GIT2: variants seen among roughly 807,000 people sequenced by gnomAD.
GIT2 encodes ARF GTPase-activating protein GIT2.
Under a neutral mutation model 100.3 loss-of-function variants are expected in GIT2, and 32 were observed. That is an observed-to-expected ratio of 0.32 (90% confidence interval 0.24 to 0.43). The LOEUF (loss-of-function observed/expected upper bound fraction) is 0.43. GIT2 is among the 20% of genes least tolerant of loss of function. The pLI is 1.00. For synonymous variants in GIT2, 353 were observed against 364.1 expected (o/e 0.97, Z 0.35); for missense variants, 737 against 975.1 (o/e 0.76, Z 3.25).
At chr12:109,996,463 A>G (rs1479021263), upstream of GIT2, 2 of 504,938 alleles carry the variant, frequency 4.0e-6, no homozygotes. Flanking sequence ...TGAGGGCAGG[A>G]GACTGCCCGA....
Position 109,945,324 on chromosome 12 carries a change from G to A in GIT2, c.1667C>T (p.Ser556Phe), listed in dbSNP as rs756703594. The change falls in exon 16 of 20, where the codon TCC (serine) becomes TTC (phenylalanine). Residue 556 changes from serine to phenylalanine, a missense_variant. By Grantham distance (155) the Ser-to-Phe change is radical. Coordinates refer to ENST00000355312, the MANE Select transcript of GIT2 (RefSeq NM_057169.5). ...GGGGAAGGAAGGCAGAGATGAAGAG[G>A]AGGTCACAAGTGCACTCCTCCCGAT... ...AHIGRSALVT[S>F]SSSLPSFPST... 6 of 1,573,798 alleles carry A rather than the reference G, an allele frequency of 3.8e-6. No homozygotes were observed. Among genetic ancestry groups the A allele is most frequent in the South Asian group, 2.2e-5 (2 of 90,104 alleles).
At chr12:109,943,920 T>C (rs915115261) in intron 16 of GIT2, among the ~76,000 whole-genome samples, 2 of 152,172 alleles carry the variant, frequency 1.3e-5, no homozygotes, top group African/African-American at 4.8e-5. Context: ...CTTGAACTCC[T>C]GGGCTCAAGC....
chr12:109,960,009 A>G (rs776125900), intron 11 of GIT2, 51 bp from the exon 12 acceptor site: 5 of 1,183,866 alleles, frequency 4.2e-6, no homozygotes, highest in Non-Finnish European at 6.3e-6. Context: ...AAATATATAC[A>G]TAAATAGTCA....
At chr12:109,981,270 A>G in intron 6 of GIT2, 1 of 436,948 alleles carries the variant, frequency 2.3e-6, no homozygotes, top group South Asian at 3.6e-5. Context: ...TAAGGCCAAA[A>G]TAGAATATTT....
At position 109,961,683 on chromosome 12, in the gene GIT2, T is replaced by C. The variant is rs748825767; in HGVS notation, c.819A>G (p.Leu273=). 3 of 1,567,760 alleles carry C rather than the reference T, an allele frequency of 1.9e-6. No homozygotes were observed. Among genetic ancestry groups the C allele is most frequent in the Non-Finnish European group, 2.6e-6 (3 of 1,138,146 alleles). Residue 273 remains leucine (L), a splice_region_variant and synonymous_variant, in exon 10 of 20, where the codon CTA becomes CTG. Transcript: ENST00000355312. ...AKAAKKKLQS[L]SNHLFEELAM... is the part of the protein sequence containing the mutation. ...CAAGTTCTTCAAACAAATGATTACTTAGCTGAAAATAAAAAATATCAGGAA... is the reference window on the plus strand; with the variant it reads ...CAAGTTCTTCAAACAAATGATTACTCAGCTGAAAATAAAAAATATCAGGAA...
chr12:109,997,190 G>C (rs906743650), upstream of GIT2, among the ~76,000 whole-genome samples: 10 of 134,032 alleles, frequency 7.5e-5, no homozygotes, highest in African/African-American at 2.9e-4. Context: ...GGGCGACAGA[G>C]TGAGACTCCG....
At chr12:109,999,564 C>T, upstream of GIT2, 1 of 679,214 alleles carries the variant, frequency 1.5e-6, no homozygotes, top group Non-Finnish European at 2.1e-6. This position sits in a 1 kb window ranked among gnomAD's most constrained non-coding sequence, Gnocchi z 4.3. Flanking sequence ...CTCAGCCGGC[C>T]GGCAGCGTAA....
At position 109,931,812 on chromosome 12, in the gene GIT2, A is replaced by G. The variant is rs890597610; in HGVS notation, c.*1166T>C. Reference sequence around the variant, plus strand: ...AATCTGAGCATGTTCCAGCACTTCAACCTTACTCTTTCAGAGCTTTGGGGT... The same window carrying G: ...AATCTGAGCATGTTCCAGCACTTCAGCCTTACTCTTTCAGAGCTTTGGGGT... On this transcript the variant is annotated 3_prime_UTR_variant, in exon 20 of 20. Transcript: ENST00000355312. 6 of 152,262 alleles carry G rather than the reference A, an allele frequency of 3.9e-5. No homozygotes were observed. Among genetic ancestry groups the G allele is most frequent in the East Asian group, 1.9e-4 (1 of 5,200 alleles). 9.4% of individuals were successfully genotyped at this position (152,262 alleles called of 1,614,324 possible).
intron 10 of GIT2, 44 bp downstream of exon 10, chr12:109,961,569 C>G (rs1325517197): frequency 7.9e-7 from 1 of 1,258,536 alleles, no homozygotes. Flanking sequence ...TTTTCACTGC[C>G]CACTGATAAC....
chr12:109,947,003 G>T lies in GIT2; in HGVS notation c.1641+253C>A, dbSNP rs1201413832. On this transcript the variant is annotated intron_variant, in intron 15 of 19. Coordinates refer to ENST00000355312, the MANE Select transcript of GIT2 (RefSeq NM_057169.5). This position sits in a 1 kb window ranked among gnomAD's most constrained non-coding sequence, Gnocchi z 4.3. The stretch of plus-strand genomic sequence containing the variant: ...CTGGTTGAGAAATAATCATGGATGT[G>T]GGGGAGAAAAAAGCAGCAGTTCGGG... Among the ~76,000 whole-genome samples the T allele has an allele frequency of 6.6e-6, 1 of 152,164 alleles. No individual in the cohort carries two copies. The highest frequency in any genetic ancestry group is 1.5e-5 in the Non-Finnish European group (1 of 68,038).
At chr12:109,976,271 C>T (rs1237118633) in intron 7 of GIT2, among the ~76,000 whole-genome samples, 1 of 151,420 alleles carries the variant, frequency 6.6e-6, no homozygotes, top group Admixed American at 6.6e-5. Context: ...ATGCTGAAAA[C>T]CCTACTAGAT....
intron 17 of GIT2, chr12:109,938,772 C>G (rs1873758442): frequency 1.9e-6 from 1 of 528,982 alleles, no homozygotes; most frequent in Admixed American, 3.6e-5. Flanking sequence ...TTGACTCTCA[C>G]AGGAAGGGTG....
At chr12:109,981,339 G>T in intron 6 of GIT2, 1 of 272,388 alleles carries the variant, frequency 3.7e-6, no homozygotes. Context: ...ATTTAATGAG[G>T]TAAAAAAATG....
In GIT2 at chr12:109,933,521, T is replaced by G; in HGVS notation, c.2068-331A>C. Reference sequence around the variant, plus strand: ...TTTAAAATGTGCCTTTTAGCACGACTTGTATATCCTTGTCTTATTAAATCA... The same window carrying G: ...TTTAAAATGTGCCTTTTAGCACGACGTGTATATCCTTGTCTTATTAAATCA... On this transcript the variant is annotated intron_variant, in intron 19 of 19. Coordinates refer to ENST00000355312, the MANE Select transcript of GIT2 (RefSeq NM_057169.5). The surrounding 1 kb of genome is among the most constrained non-coding windows in gnomAD (Gnocchi z 4.5). 1 of 258,762 alleles carries G rather than the reference T, an allele frequency of 3.9e-6. No individual in the cohort carries two copies. Among genetic ancestry groups the G allele is most frequent in the Non-Finnish European group, 7.4e-6 (1 of 134,586 alleles). The allele number at this position is 258,762 out of a possible 1,614,324, so 16.0% of individuals were successfully genotyped here.
chr12:109,955,933 CTT>C (rs555382794), intron 12 of GIT2, among the ~76,000 whole-genome samples: 1 of 138,928 alleles, frequency 7.2e-6, no homozygotes. Context: ...CAGGTGTGCA[CTT>C]TTTTTTTTTT....
chr12:109,949,428 G>C (rs1218954597), intron 14 of GIT2, among the ~76,000 whole-genome samples: 1 of 152,220 alleles, frequency 6.6e-6, no homozygotes, highest in African/African-American at 2.4e-5. Context: ...GATTTTGTCT[G>C]AATGTGTTCT....
chr12:109,997,204 CAAAAAAAA>C (rs35732772), upstream of GIT2, among the ~76,000 whole-genome samples: 9 of 43,330 alleles, frequency 2.1e-4, no homozygotes, highest in South Asian at 1.6e-3. Flanking sequence ...GACTCCGTCT[CAAAAAAAA>C]AAAAAAAAAA....
chr12:109,989,775 C>T lies in GIT2; in HGVS notation c.214G>A (p.Ala72Thr), dbSNP rs1165526620. The change falls in exon 3 of 20, where the codon GCT (alanine) becomes ACT (threonine). Residue 72 changes from alanine to threonine, a missense_variant. This residue lies in a region of GIT2 where 266 missense variants were observed against 376.2 expected (regional missense o/e 0.71). Coordinates refer to ENST00000355312, the MANE Select transcript of GIT2 (RefSeq NM_057169.5). ...AAAGAATGCTCCCATATAGAGTTAG[C>T]ACCGTTATTATACAAGGTCTCAACC... is the stretch of plus-strand genomic sequence containing the variant. The part of the protein sequence containing the change: ...QMVETLYNNG[A>T]NSIWEHSLLD... The T allele has an allele frequency of 6.2e-7, 1 of 1,601,790 alleles. No homozygotes were observed. The highest frequency in any genetic ancestry group is 1.1e-5 in the South Asian group (1 of 90,848).
chr12:109,947,346 C>G lies in GIT2; in HGVS notation c.1551G>C (p.Glu517Asp). 6.2e-7 allele frequency: 1 copy of G among 1,614,130 alleles called. No individual in the cohort carries two copies. Among genetic ancestry groups the G allele is most frequent in the Non-Finnish European group, 8.5e-7 (1 of 1,179,966 alleles). ...ARGSRPMSMYETGSGQKPYLP... is the reference protein window; with the variant it reads ...ARGSRPMSMYDTGSGQKPYLP... Reference sequence around the variant, plus strand: ...GATATGGTTTCTGACCTGATCCGGTCTCGTACATGGACATGGGCCTACTGC... The same window carrying G: ...GATATGGTTTCTGACCTGATCCGGTGTCGTACATGGACATGGGCCTACTGC... Residue 517 changes from glutamate (E) to aspartate (D), a missense_variant, in exon 15 of 20, where the codon GAG (glutamate) becomes GAC (aspartate). By Grantham distance (45) the Glu-to-Asp change is conservative. This residue lies in a region of GIT2 where 451 missense variants were observed against 543.7 expected (regional missense o/e 0.83). Coordinates refer to ENST00000355312, the MANE Select transcript of GIT2 (RefSeq NM_057169.5). The surrounding 1 kb of genome is among the most constrained non-coding windows in gnomAD (Gnocchi z 4.3).
Sources: allele counts gnomAD v4.1 joint callset (sites outside exome capture counted in the v4.1 genomes callset), GRCh38; gene constraint gnomAD v4.1.1; regional missense constraint gnomAD v4.1.1; non-coding constraint Gnocchi (gnomAD v3.1); transcripts MANE v1.5; gene names NCBI Gene and HGNC (gene_info 2026-07-23, HGNC 2026-07-21).